The following GLRA3 variants were observed in gnomAD, a reference collection of about 807,000 sequenced individuals.
The protein encoded by GLRA3 is glycine receptor alpha 3.
A neutral mutation model predicts 60.4 loss-of-function variants in GLRA3; 44 were observed. That is an observed-to-expected ratio of 0.73 (90% confidence interval 0.57 to 0.94). The LOEUF is 0.94. GLRA3 is among the 40% of genes least tolerant of loss of function. The pLI is 0.00. For missense variants in GLRA3, 508 were observed against 564.6 expected (o/e 0.90, Z 1.02); for synonymous variants, 223 against 192.9 (o/e 1.16, Z -1.29).
At chr4:174,676,260 G>A (rs555136109) in intron 7 of GLRA3, among the ~76,000 whole-genome samples, 28 of 152,116 alleles carry the variant, frequency 1.8e-4, no homozygotes, top group African/African-American at 6.5e-4. Context: ...GATGAAAATC[G>A]TGGAATTAGA....
chr4:174,810,769 G>A (rs1740234686), intron 1 of GLRA3, among the ~76,000 whole-genome samples: 1 of 152,100 alleles, frequency 6.6e-6, no homozygotes, highest in African/African-American at 2.4e-5. Flanking sequence ...TACCACAGTA[G>A]CAGCTTCATA....
At chr4:174,667,733 A>G (rs1160573460) in intron 7 of GLRA3, among the ~76,000 whole-genome samples, 3 of 152,186 alleles carry the variant, frequency 2.0e-5, no homozygotes, top group Non-Finnish European at 4.4e-5. Flanking sequence ...CTTAAAAAAG[A>G]AAAAGAATAT....
intron 1 of GLRA3, among the ~76,000 whole-genome samples, chr4:174,826,277 A>G (rs111490695): frequency 5.3e-5 from 8 of 152,254 alleles, no homozygotes; most frequent in African/African-American, 1.9e-4. Flanking sequence ...GCTACATGCA[A>G]CAAGATGGAT....
chr4:174,695,715 C>T (rs1042134491), intron 5 of GLRA3, among the ~76,000 whole-genome samples: 2 of 152,050 alleles, frequency 1.3e-5, no homozygotes, highest in African/African-American at 2.4e-5. Context: ...TTTTATTCAA[C>T]ATAGTATTGA....
chr4:174,783,986 C>G (rs1490998746), intron 2 of GLRA3, among the ~76,000 whole-genome samples: 1 of 150,330 alleles, frequency 6.7e-6, no homozygotes, highest in Non-Finnish European at 1.5e-5. Flanking sequence ...ACCCAAAGGA[C>G]TATAAATCAT....
At chr4:174,795,390 T>C (rs1739524084) in intron 1 of GLRA3, among the ~76,000 whole-genome samples, 1 of 152,106 alleles carries the variant, frequency 6.6e-6, no homozygotes, top group Non-Finnish European at 1.5e-5. Context: ...ACCATAAATG[T>C]GAATTAAACA....
intron 2 of GLRA3, among the ~76,000 whole-genome samples, chr4:174,770,122 T>G (rs1429524979): frequency 6.6e-6 from 1 of 152,158 alleles, no homozygotes; most frequent in Non-Finnish European, 1.5e-5. Flanking sequence ...CTTTTCAACC[T>G]ATTCTCTAGA....
At chr4:174,732,268 AC>A (rs1736579702) in intron 3 of GLRA3, among the ~76,000 whole-genome samples, 1 of 151,280 alleles carries the variant, frequency 6.6e-6, no homozygotes, top group Non-Finnish European at 1.5e-5. Context: ...AGCAGGAGAG[AC>A]GCTTGAACCC....
In GLRA3 at chr4:174,680,244, C is replaced by G. The variant is rs376855570; in HGVS notation, c.712+2558G>C. 1.1e-4 allele frequency among the ~76,000 whole-genome samples: 17 copies of G among 152,132 alleles called. No homozygotes were observed. The South Asian group carries it at 3.5e-3, about 32-fold the overall frequency. Reference sequence around the variant, plus strand: ...CATTGCTTGTACATAAATAAATATACTCAGTATATGTGGATCTGATGAGAT... The same window carrying G: ...CATTGCTTGTACATAAATAAATATAGTCAGTATATGTGGATCTGATGAGAT... On this transcript the variant is annotated intron_variant, in intron 6 of 9. Coordinates refer to ENST00000274093, the MANE Select transcript of GLRA3 (RefSeq NM_006529.4).
intron 5 of GLRA3, among the ~76,000 whole-genome samples, chr4:174,684,678 G>A (rs1734486505): frequency 1.3e-5 from 2 of 152,186 alleles, no homozygotes; most frequent in South Asian, 4.1e-4. Context: ...GAGAGAGGAG[G>A]CACGGTGTGG....
At chr4:174,803,463 C>T (rs1173421579) in intron 1 of GLRA3, among the ~76,000 whole-genome samples, 2 of 152,096 alleles carry the variant, frequency 1.3e-5, no homozygotes, top group Non-Finnish European at 2.9e-5. Flanking sequence ...ATGTAAGGTA[C>T]CATGATACAA....
chr4:174,755,134 A>G (rs1438756777), intron 3 of GLRA3, among the ~76,000 whole-genome samples: 2 of 152,154 alleles, frequency 1.3e-5, no homozygotes, highest in Non-Finnish European at 2.9e-5. Context: ...GCAAAGCAGT[A>G]AAAATAGCAG....
intron 3 of GLRA3, among the ~76,000 whole-genome samples, chr4:174,743,318 G>A (rs1302300675): frequency 2.0e-5 from 3 of 151,996 alleles, no homozygotes; most frequent in Non-Finnish European, 4.4e-5. Flanking sequence ...TCTCGTGTAG[G>A]ATCTAATCTA....
At chr4:174,660,787 T>C (rs1366988556) in intron 7 of GLRA3, among the ~76,000 whole-genome samples, 1 of 152,256 alleles carries the variant, frequency 6.6e-6, no homozygotes, top group Non-Finnish European at 1.5e-5. Context: ...ATTTATCTGT[T>C]TATTCATTTG....
chr4:174,647,365 C>T (rs1216069089), intron 9 of GLRA3, among the ~76,000 whole-genome samples: 1 of 151,530 alleles, frequency 6.6e-6, no homozygotes, highest in Non-Finnish European at 1.5e-5. Context: ...TAAGATCGCG[C>T]CACTGCACTC....
intron 3 of GLRA3, among the ~76,000 whole-genome samples, chr4:174,739,653 G>A (rs1433093550): frequency 6.6e-6 from 1 of 152,138 alleles, no homozygotes; most frequent in African/African-American, 2.4e-5. Flanking sequence ...AAGCACCATT[G>A]GCTTCATTTG....
At chr4:174,696,983 A>G (rs1418710560) in intron 5 of GLRA3, among the ~76,000 whole-genome samples, 1 of 152,142 alleles carries the variant, frequency 6.6e-6, no homozygotes, top group East Asian at 1.9e-4. Flanking sequence ...CCTAGCACAA[A>G]CATACCAGTT....
At chr4:174,658,903 CT>C in intron 8 of GLRA3, 150 bp downstream of exon 8, 2 of 634,582 alleles carry the variant, frequency 3.2e-6, no homozygotes, top group East Asian at 5.9e-5. Flanking sequence ...ATTTTTGACA[CT>C]TTTAGTTTGG....
chr4:174,695,708 T>C (rs950072349), intron 5 of GLRA3, among the ~76,000 whole-genome samples: 1 of 152,138 alleles, frequency 6.6e-6, no homozygotes, highest in Non-Finnish European at 1.5e-5. Context: ...TCACCACTTT[T>C]ATTCAACATA....
Sources: gnomAD v4.1 joint callset for allele counts (sites outside exome capture counted in the v4.1 genomes callset) on GRCh38, gnomAD v4.1.1 for gene constraint, MANE v1.5 for transcripts, NCBI Gene and HGNC (gene_info 2026-07-23, HGNC 2026-07-21) for gene names.